ZNF787: variants seen among roughly 807,000 people sequenced by gnomAD.
The protein encoded by ZNF787 is TTF-I-interacting peptide 20.
A neutral mutation model predicts 16.9 loss-of-function variants in ZNF787; 7 were observed. That is an observed-to-expected ratio of 0.42 (90% CI 0.24 to 0.78). The LOEUF (loss-of-function observed/expected upper bound fraction) is 0.78. Among genes scored for constraint, ZNF787 ranks in the 30% least tolerant of loss-of-function variants. The pLI, the probability that ZNF787 is intolerant of heterozygous loss-of-function variation, is 0.30. For missense variants in ZNF787, 551 were observed against 589.3 expected (o/e 0.94, Z 0.67); for synonymous variants, 345 against 270.9 (o/e 1.27, Z -2.69).
chr19:56,116,620 GAC>G (rs796556892), intron 1 of ZNF787, among the ~76,000 whole-genome samples: 1 of 151,218 alleles, frequency 6.6e-6, no homozygotes. Context: ...TAAAAAAAAA[GAC>G]ACACACACAC....
chr19:56,095,236 G>A (rs558714738), intron 2 of ZNF787, among the ~76,000 whole-genome samples: 1 of 152,186 alleles, frequency 6.6e-6, no homozygotes, highest in African/African-American at 2.4e-5. Flanking sequence ...GGTAATGCTC[G>A]CTCATGCGCC....
At chr19:56,120,869 G>C (rs1434800405) in intron 1 of ZNF787, among the ~76,000 whole-genome samples, 8 of 39,754 alleles carry the variant, frequency 2.0e-4, no homozygotes, top group African/African-American at 7.5e-4. Context: ...CCCCCGCCAC[G>C]CGCACGCGCG....
At chr19:56,107,573 G>A (rs35766803) in intron 1 of ZNF787, among the ~76,000 whole-genome samples, 106,830 of 151,398 alleles carry the variant, frequency 0.71, 42,023 homozygotes, top group South Asian at 0.93. Flanking sequence ...GAGGGACAAG[G>A]GTCACCAGGA....
chr19:56,096,638 G>A lies in ZNF787; in HGVS notation c.79+6501C>T, dbSNP rs977824284. ...TGAGGCAGGAGAATCGCTTGAACCC[G>A]GGAGGCAGAGGTTGCAGTGAGCCGA... is the stretch of plus-strand genomic sequence containing the variant. On this transcript the variant is annotated intron_variant, in intron 2 of 2. Transcript: ENST00000610935. Among the ~76,000 whole-genome samples the A allele has an allele frequency of 4.0e-5, 6 of 151,874 alleles. 1 individual carries two copies. In the South Asian group the frequency reaches 1.0e-3, roughly 26 times the overall value.
chr19:56,093,307 G>A (rs1294472353), intron 2 of ZNF787, among the ~76,000 whole-genome samples: 1 of 151,784 alleles, frequency 6.6e-6, no homozygotes, highest in Non-Finnish European at 1.5e-5. Context: ...CATAGACACA[G>A]GGGATGGCGG....
chr19:56,089,848 C>G (rs1482954166), intron 2 of ZNF787, among the ~76,000 whole-genome samples: 1 of 152,322 alleles, frequency 6.6e-6, no homozygotes, highest in Non-Finnish European at 1.5e-5. Context: ...GCCTTTCACA[C>G]TTCTGCACCA....
chr19:56,115,328 C>T (rs1043286985), intron 1 of ZNF787, among the ~76,000 whole-genome samples: 1 of 151,436 alleles, frequency 6.6e-6, no homozygotes. Context: ...TCTCTAGAGG[C>T]CGGCCGCGGC....
intron 2 of ZNF787, among the ~76,000 whole-genome samples, chr19:56,096,628 G>A (rs1379640148): frequency 6.6e-6 from 1 of 152,088 alleles, no homozygotes. Flanking sequence ...CAGGAGAATC[G>A]CTTGAACCCG....
intron 1 of ZNF787, among the ~76,000 whole-genome samples, chr19:56,110,531 A>C (rs532171223): frequency 5.9e-4 from 89 of 151,824 alleles, no homozygotes; most frequent in African/African-American, 2.1e-3. Flanking sequence ...AAAAAAAAAA[A>C]AGCACAGGAA....
chr19:56,089,123 T>C (rs1458460671), intron 2 of ZNF787, 31 bp from the exon 3 acceptor site: 43 of 1,363,766 alleles, frequency 3.2e-5, no homozygotes, highest in Non-Finnish European at 3.6e-5. Flanking sequence ...GGGAGGTGAG[T>C]CAAGAGAGGC....
At chr19:56,090,943 G>A (rs1252406212) in intron 2 of ZNF787, among the ~76,000 whole-genome samples, 2 of 152,224 alleles carry the variant, frequency 1.3e-5, no homozygotes, top group African/African-American at 2.4e-5. Flanking sequence ...TCCAGTGTGA[G>A]AATCACTATT....
intron 2 of ZNF787, among the ~76,000 whole-genome samples, chr19:56,100,877 G>A (rs1314568950): frequency 1.5e-5 from 2 of 136,298 alleles, no homozygotes; most frequent in Non-Finnish European, 3.1e-5. Flanking sequence ...AGGGACGCAT[G>A]TAGGCGGGAC....
At chr19:56,120,608 C>T (rs1437950232) in intron 1 of ZNF787, among the ~76,000 whole-genome samples, 1 of 151,982 alleles carries the variant, frequency 6.6e-6, no homozygotes, top group Non-Finnish European at 1.5e-5. Flanking sequence ...AGCAACGGGA[C>T]CCGGGCTGAC....
intron 1 of ZNF787, among the ~76,000 whole-genome samples, chr19:56,114,797 G>A (rs111343083): frequency 0.016 from 2,436 of 151,960 alleles, 62 homozygotes; most frequent in African/African-American, 0.056. Context: ...AGCACCTGCT[G>A]CCCTGGTACC....
chr19:56,089,028 G>A lies in ZNF787; in HGVS notation c.144C>T (p.Pro48=). 4 of 1,474,990 alleles carry A rather than the reference G, an allele frequency of 2.7e-6. No individual in the cohort carries two copies. Among genetic ancestry groups the A allele is most frequent in the Middle Eastern group, 4.0e-4 (2 of 5,050 alleles). 91.4% of individuals were successfully genotyped at this position (1,474,990 alleles called of 1,614,324 possible). Residue 48 remains proline (P), a synonymous_variant, in exon 3 of 3, where the codon CCC becomes CCT. Transcript: ENST00000610935. ...GCGGGCCGGCTGGGGGCGCAGACTGGGGCGGGGACAGCTTGGTGGGAGGCC... is the reference window on the plus strand; with the variant it reads ...GCGGGCCGGCTGGGGGCGCAGACTGAGGCGGGGACAGCTTGGTGGGAGGCC... ...PSWPPTKLSP[P]QSAPPAGPPP...
rs1396199882 is a variant in ZNF787 at position 56,092,524 on chromosome 19, G to GC, written c.80-3433dup. 6.9e-5 allele frequency among the ~76,000 whole-genome samples: 4 copies of GC among 58,288 alleles called. No individual in the cohort carries two copies. In the East Asian group the frequency reaches 1.2e-3, roughly 18 times the overall value. 38.2% of individuals were successfully genotyped at this position (58,288 alleles called of 152,430 possible). A position where few individuals can be genotyped will look rare whatever the true frequency, so the allele number is the denominator to read the frequency against. Reference sequence around the variant, plus strand: ...TGTTTCTAGAGCAAAATCTGGAAATGCTTTTTTTTTTTTTTTTAAGATAAA... The same window carrying GC: ...TGTTTCTAGAGCAAAATCTGGAAATGCCTTTTTTTTTTTTTTTTAAGATAAA... On this transcript the variant is annotated intron_variant, in intron 2 of 2. Transcript: ENST00000610935.
rs185013432 is a variant in ZNF787, at chr19:56,088,494, C to A, written c.678G>T (p.Ala226=). ...TGGCGATCTCGCCGTCCGCCGCCAC[C>A]GCCTCTTCGGGCCCCTTGGCCCGCC... The part of the protein sequence containing the change: ...SVRRAKGPEE[A]VAADGEIAIP... The change falls in exon 3 of 3, where the codon GCG becomes GCT. Residue 226 remains alanine, a synonymous_variant. Transcript: ENST00000610935. This position sits in a 1 kb window ranked among gnomAD's most constrained non-coding sequence, Gnocchi z 8.6. The A allele has an allele frequency of 9.4e-4, 1,294 of 1,381,122 alleles. 12 individuals are homozygous for A. In the African/African-American group the frequency reaches 0.018, roughly 19 times the overall value. The allele number at this position is 1,381,122 out of a possible 1,614,324, so 85.6% of individuals were successfully genotyped here. A position where few individuals can be genotyped will look rare whatever the true frequency, so the allele number is the denominator to read the frequency against.
At position 56,087,875 on chromosome 19, in the gene ZNF787, GGC is replaced by G. The variant is rs1302701869; in HGVS notation, c.*146_*147del. 2.5e-5 allele frequency: 30 copies of G among 1,212,564 alleles called. No individual in the cohort carries two copies. The highest frequency in any genetic ancestry group is 4.4e-5 in the Admixed American group (1 of 22,660). 75.1% of individuals were successfully genotyped at this position (1,212,564 alleles called of 1,614,324 possible). ...TACGCCCCAGTGCCCCCCCACGGAC[GGC>G]GCAGGGACAGAGGAGGGCGGGGAGC... is the stretch of plus-strand genomic sequence containing the variant. On this transcript the variant is annotated 3_prime_UTR_variant, in exon 3 of 3. Transcript: ENST00000610935.
At position 56,087,748 on chromosome 19, in the gene ZNF787, A is replaced by T; in HGVS notation, c.*275T>A. ...GGCCTGGTCGCCACTCGGCCTCTGCAGTTCTCTCCATTGTCTCTCCGGCTC... is the reference window on the plus strand; with the variant it reads ...GGCCTGGTCGCCACTCGGCCTCTGCTGTTCTCTCCATTGTCTCTCCGGCTC... On this transcript the variant is annotated 3_prime_UTR_variant, in exon 3 of 3. Transcript: ENST00000610935. The T allele has an allele frequency of 3.0e-6, 1 of 335,258 alleles. No individual in the cohort carries two copies. Among genetic ancestry groups the T allele is most frequent in the Non-Finnish European group, 4.9e-6 (1 of 204,920 alleles). The allele number at this position is 335,258 out of a possible 1,614,324, so 20.8% of individuals were successfully genotyped here.
Sources: allele counts gnomAD v4.1 joint callset (sites outside exome capture counted in the v4.1 genomes callset), GRCh38; gene constraint gnomAD v4.1.1; non-coding constraint Gnocchi (gnomAD v3.1); transcripts MANE v1.5; gene names NCBI Gene and HGNC (gene_info 2026-07-23, HGNC 2026-07-21).